LRCH2: variants seen among roughly 807,000 people sequenced by gnomAD.
The protein encoded by LRCH2 is leucine rich repeats and calponin homology domain containing 2.
A neutral mutation model predicts 68.9 loss-of-function variants in LRCH2; 38 were observed. That is an observed-to-expected ratio of 0.55 (90% CI 0.43 to 0.72). The LOEUF (loss-of-function observed/expected upper bound fraction) is 0.72, where lower values mean the gene tolerates loss of function less well. LRCH2 is among the 30% of genes least tolerant of loss of function. LRCH2 has a pLI of 0.00. For synonymous variants in LRCH2, 191 were observed against 208.1 expected (o/e 0.92, Z 0.71); for missense variants, 528 against 572.9 (o/e 0.92, Z 0.80).
chrX:115,207,913 C>G (rs912965521), intron 1 of LRCH2, among the ~76,000 whole-genome samples: 1 of 111,697 alleles, frequency 9.0e-6, no homozygotes, highest in Non-Finnish European at 1.9e-5. Flanking sequence ...GTAAACCAGA[C>G]AGACTGAAGA....
At chrX:115,152,050 G>C (rs1317107905) in intron 12 of LRCH2, among the ~76,000 whole-genome samples, 1 of 111,399 alleles carries the variant, frequency 9.0e-6, no homozygotes, top group Non-Finnish European at 1.9e-5. Flanking sequence ...AAATACCCTA[G>C]GCAAAAGGAT....
intron 1 of LRCH2, among the ~76,000 whole-genome samples, chrX:115,203,986 G>A (rs1556567101): frequency 8.9e-6 from 1 of 112,836 alleles, no homozygotes; most frequent in African/African-American, 3.2e-5. Context: ...TGGCCCTGCA[G>A]CAGACTTCTG....
chrX:115,174,192 C>T (rs1377013730), intron 5 of LRCH2, among the ~76,000 whole-genome samples: 1 of 111,536 alleles, frequency 9.0e-6, no homozygotes, highest in Non-Finnish European at 1.9e-5. Flanking sequence ...ATGCCCATCA[C>T]CTCATGTAGT....
chrX:115,176,547 T>C (rs2072649279), intron 5 of LRCH2, among the ~76,000 whole-genome samples: 1 of 110,023 alleles, frequency 9.1e-6, no homozygotes, highest in African/African-American at 3.3e-5. Flanking sequence ...TGAATCCTTT[T>C]TGTATTTTGG....
chrX:115,151,193 T>C (rs947257868), intron 12 of LRCH2, among the ~76,000 whole-genome samples: 2 of 111,683 alleles, frequency 1.8e-5, no homozygotes, highest in Non-Finnish European at 3.8e-5. Flanking sequence ...AAAAGTTATA[T>C]AATAAAGAGG....
chrX:115,188,032 T>C (rs2072747094), intron 2 of LRCH2, among the ~76,000 whole-genome samples, 194 bp downstream of exon 2: 1 of 112,190 alleles, frequency 8.9e-6, no homozygotes, highest in Admixed American at 9.5e-5. Context: ...TTCCTGTGTG[T>C]TAAAGTTTGC....
intron 1 of LRCH2, chrX:115,192,190 C>A: frequency 8.6e-7 from 1 of 1,164,852 alleles, no homozygotes; most frequent in Non-Finnish European, 1.1e-6. Context: ...CGAGGAATAC[C>A]AAGGCCGCTC....
intron 1 of LRCH2, among the ~76,000 whole-genome samples, chrX:115,188,574 T>C (rs2072751894): frequency 8.9e-6 from 1 of 112,366 alleles, no homozygotes. Flanking sequence ...CTCACATCTG[T>C]AATACCAGCA....
At chrX:115,222,699 T>G (rs1039465390) in intron 1 of LRCH2, among the ~76,000 whole-genome samples, 2 of 112,229 alleles carry the variant, frequency 1.8e-5, no homozygotes, top group African/African-American at 3.2e-5. Context: ...ACATTAAAGA[T>G]ATAAATAAAT....
chrX:115,221,938 G>GAA (rs75651669), intron 1 of LRCH2, among the ~76,000 whole-genome samples: 2 of 85,841 alleles, frequency 2.3e-5, no homozygotes, highest in South Asian at 1.0e-3. Flanking sequence ...ATATTAACAG[G>GAA]AAAAAAAAAA....
rs978015476 is a variant in LRCH2, at chrX:115,111,630, T to C, written c.*1586A>G. On this transcript the variant is annotated 3_prime_UTR_variant, in exon 21 of 21. Coordinates refer to ENST00000317135, the MANE Select transcript of LRCH2 (RefSeq NM_020871.4). ...AATAAATTACTAATAATTTAATTCT[T>C]AAACCATATACTCATAGAAGCTTTA... 3 of 111,458 alleles carry C rather than the reference T, an allele frequency of 2.7e-5. No homozygotes were observed. The highest frequency in any genetic ancestry group is 9.7e-5 in the Admixed American group (1 of 10,360). 9.2% of individuals were successfully genotyped at this position (111,458 alleles called of 1,213,427 possible). A position where few individuals can be genotyped will look rare whatever the true frequency, so the allele number is the denominator to read the frequency against.
rs782803427 is a variant in LRCH2, at chrX:115,191,096, G to A, written c.350-2726C>T. 26 of 1,157,223 alleles carry A rather than the reference G, an allele frequency of 2.2e-5. No individual in the cohort carries two copies. The Admixed American group carries it at 2.7e-4, about 12-fold the overall frequency. The stretch of plus-strand genomic sequence containing the variant: ...AGCCACCGCTATGGAGGAGAAGGCC[G>A]CTATGAGTACCGAGGCCGCTCGCAT... On this transcript the variant is annotated intron_variant, in intron 1 of 20. Coordinates refer to ENST00000317135, the MANE Select transcript of LRCH2 (RefSeq NM_020871.4).
At chrX:115,206,453 G>T (rs1380229192) in intron 1 of LRCH2, among the ~76,000 whole-genome samples, 3 of 111,992 alleles carry the variant, frequency 2.7e-5, no homozygotes, top group African/African-American at 9.7e-5. Flanking sequence ...CCCACCCAGG[G>T]CAGACAACCG....
At chrX:115,115,369 AC>A in intron 20 of LRCH2, among the ~76,000 whole-genome samples, 1 of 111,194 alleles carries the variant, frequency 9.0e-6, no homozygotes, top group East Asian at 2.8e-4. Context: ...GGTAAAAAAA[AC>A]TGAGAATCCA....
At chrX:115,212,101 A>C (rs149152791) in intron 1 of LRCH2, among the ~76,000 whole-genome samples, 2 of 112,327 alleles carry the variant, frequency 1.8e-5, no homozygotes, top group East Asian at 5.6e-4. Context: ...CCCTACTTGT[A>C]AGCCAGTATG....
intron 14 of LRCH2, among the ~76,000 whole-genome samples, chrX:115,147,449 C>G (rs1228665948): frequency 9.0e-6 from 1 of 111,425 alleles, no homozygotes; most frequent in Non-Finnish European, 1.9e-5. Flanking sequence ...TACACATCTC[C>G]TTAAAACATT....
intron 12 of LRCH2, among the ~76,000 whole-genome samples, chrX:115,153,253 G>A (rs934666114): frequency 1.8e-5 from 2 of 108,947 alleles, no homozygotes; most frequent in Admixed American, 9.9e-5. Context: ...GAGTGCAGGA[G>A]GTCAAAGCTG....
chrX:115,165,332 C>T (rs1603051592), intron 10 of LRCH2, 73 bp downstream of exon 10: 1 of 735,698 alleles, frequency 1.4e-6, no homozygotes, highest in Non-Finnish European at 1.9e-6. Flanking sequence ...TTTTCAAGTA[C>T]TCTTTCAAGT....
intron 1 of LRCH2, among the ~76,000 whole-genome samples, chrX:115,203,597 A>G (rs2072944749): frequency 8.9e-6 from 1 of 112,559 alleles, no homozygotes; most frequent in African/African-American, 3.2e-5. Flanking sequence ...ATTGGCCAAA[A>G]TCAAAGGGCC....
Sources: gnomAD v4.1 joint callset for allele counts (sites outside exome capture counted in the v4.1 genomes callset) on GRCh38, gnomAD v4.1.1 for gene constraint, MANE v1.5 for transcripts, NCBI Gene and HGNC (gene_info 2026-07-23, HGNC 2026-07-21) for gene names.